The following FCHSD2 variants were observed in gnomAD, a reference collection of about 807,000 sequenced individuals.
FCHSD2 encodes F-BAR and double SH3 domains protein 2.
A neutral mutation model predicts 108.1 loss-of-function variants in FCHSD2; 38 were observed. The observed-to-expected ratio is 0.35, with a 90% CI of 0.27 to 0.46. The LOEUF is 0.46. Among genes scored for constraint, FCHSD2 ranks in the 20% least tolerant of loss-of-function variants. FCHSD2 has a pLI of 1.00. For missense variants in FCHSD2, 751 were observed against 897.8 expected (o/e 0.84, Z 2.09); for synonymous variants, 279 against 314.7 (o/e 0.89, Z 1.20).
intron 13 of FCHSD2, among the ~76,000 whole-genome samples, chr11:72,857,120 TGG>T (rs2135182724): frequency 6.6e-6 from 1 of 152,356 alleles, no homozygotes; most frequent in South Asian, 2.1e-4. Context: ...AGTTGATTTT[TGG>T]ATTCCCATGG....
In FCHSD2 at chr11:72,921,931, T is replaced by C. The variant is rs775846547; in HGVS notation, c.725A>G (p.Tyr242Cys). 1.3e-6 allele frequency: 2 copies of C among 1,593,842 alleles called. No homozygotes were observed. The highest frequency in any genetic ancestry group is 8.6e-7 in the Non-Finnish European group (1 of 1,168,630). Residue 242 changes from tyrosine (Y) to cysteine (C), a missense_variant, in exon 9 of 20, where the codon TAT becomes TGT. Tyr to Cys is a radical substitution (Grantham distance 194). Transcript: ENST00000409418. ...NIMKALDGNV[Y>C]DHLKDYLIAF... ...TATTAAATAATCCTTGAGATGATCA[T>C]ACACATTTCCATCAAGAGCCTGTAA...
chr11:72,868,690 AAAACAAAC>A lies in FCHSD2; in HGVS notation c.1147-672_1147-665del, dbSNP rs150087439. Among the ~76,000 whole-genome samples, 716 of 150,870 alleles carry A rather than the reference AAAACAAAC, an allele frequency of 4.7e-3. 5 individuals carry two copies. The highest frequency in any genetic ancestry group is 0.017 in the African/African-American group (680 of 41,036). On this transcript the variant is annotated intron_variant, in intron 12 of 19. Transcript: ENST00000409418. ...TGGGTGACAGAGCAAGACTCTGTTAAAAACAAACAAACAAACAAACAAACAAACAAACC... is the reference window on the plus strand; with the variant it reads ...TGGGTGACAGAGCAAGACTCTGTTAAAAACAAACAAACAAACAAACAAACC...
rs555791293 is a variant in FCHSD2 at position 73,031,029 on chromosome 11, T to TA, written c.166-15145dup. ...CACCTCCAGAAATACTATTCAGCCT[T>TA]AAAAAAAAGGGAGATCCTGCTATTT... On this transcript the variant is annotated intron_variant, in intron 3 of 19. Transcript: ENST00000409418. Among the ~76,000 whole-genome samples, 61 of 151,514 alleles carry TA rather than the reference T, an allele frequency of 4.0e-4. 1 individual carries two copies. In the South Asian group the frequency reaches 0.011, roughly 28 times the overall value.
chr11:72,940,842 C>G, intron 8 of FCHSD2: 1 of 910,204 alleles, frequency 1.1e-6, no homozygotes. Flanking sequence ...CTCTTAGAGT[C>G]CTGAATTCTT....
At chr11:72,972,279 T>C (rs1483745134) in intron 8 of FCHSD2, among the ~76,000 whole-genome samples, 3 of 152,220 alleles carry the variant, frequency 2.0e-5, no homozygotes, top group Non-Finnish European at 2.9e-5. Flanking sequence ...TTTTGATTTA[T>C]ATTTTTATGA....
At chr11:72,966,930 G>A (rs953962454) in intron 8 of FCHSD2, among the ~76,000 whole-genome samples, 10 of 152,282 alleles carry the variant, frequency 6.6e-5, no homozygotes, top group Admixed American at 5.9e-4. Flanking sequence ...CGGGCGCGGT[G>A]GCTCACGCCT....
At chr11:72,931,440 A>T (rs1856190363) in intron 8 of FCHSD2, among the ~76,000 whole-genome samples, 1 of 150,316 alleles carries the variant, frequency 6.7e-6, no homozygotes, top group Admixed American at 6.6e-5. Flanking sequence ...TAAAAATTTT[A>T]AAAATTAATT....
At chr11:72,996,988 T>C (rs1282408853) in intron 5 of FCHSD2, among the ~76,000 whole-genome samples, 1 of 151,678 alleles carries the variant, frequency 6.6e-6, no homozygotes, top group African/African-American at 2.4e-5. Context: ...GAGACAGAGG[T>C]TGGAGTTTAG....
chr11:72,923,137 A>G (rs1167221451), intron 8 of FCHSD2, among the ~76,000 whole-genome samples: 1 of 152,082 alleles, frequency 6.6e-6, no homozygotes, highest in African/African-American at 2.4e-5. Context: ...ACAGCTTAAT[A>G]ATATTCAGTT....
chr11:73,124,713 G>A (rs572836793), intron 2 of FCHSD2, among the ~76,000 whole-genome samples: 8 of 151,356 alleles, frequency 5.3e-5, no homozygotes, highest in South Asian at 2.1e-4. Context: ...CTGAGATTAC[G>A]CCACTGCACT....
intron 8 of FCHSD2, among the ~76,000 whole-genome samples, chr11:72,965,275 T>C (rs1856887006): frequency 1.3e-5 from 2 of 152,212 alleles, no homozygotes; most frequent in Admixed American, 6.5e-5. Flanking sequence ...AGAATTATTG[T>C]TGCCTCTATA....
intron 8 of FCHSD2, among the ~76,000 whole-genome samples, chr11:72,925,687 T>C (rs1380710258): frequency 6.6e-6 from 1 of 152,120 alleles, no homozygotes; most frequent in Non-Finnish European, 1.5e-5. Flanking sequence ...GTAGACACGA[T>C]TATCGAAATG....
At chr11:72,943,090 C>G (rs553217623) in intron 8 of FCHSD2, among the ~76,000 whole-genome samples, 3 of 152,278 alleles carry the variant, frequency 2.0e-5, no homozygotes, top group African/African-American at 7.2e-5. Flanking sequence ...CTCCCGGGTT[C>G]AAGTGATTCT....
chr11:72,916,968 CTTTTTTTTTTTTTTTTT>C (rs71062793), intron 9 of FCHSD2, among the ~76,000 whole-genome samples: 91,364 of 118,900 alleles, frequency 0.77, 34,708 homozygotes, highest in East Asian at 0.88. Flanking sequence ...GAACTTCATT[CTTTTTTTTTTTTTTTTT>C]TTTTTTTTTT....
chr11:73,027,697 G>C (rs374821525), intron 3 of FCHSD2, among the ~76,000 whole-genome samples: 1 of 152,208 alleles, frequency 6.6e-6, no homozygotes, highest in South Asian at 2.1e-4. Context: ...AGAGATGTTC[G>C]CTGCACTCCC....
At chr11:73,027,047 CGA>C (rs1270964713) in intron 3 of FCHSD2, among the ~76,000 whole-genome samples, 1 of 151,902 alleles carries the variant, frequency 6.6e-6, no homozygotes, top group African/African-American at 2.4e-5. Context: ...AAATTGGTAC[CGA>C]GAGACATGGC....
chr11:73,104,313 C>A (rs1414216319), intron 2 of FCHSD2, among the ~76,000 whole-genome samples: 1 of 152,258 alleles, frequency 6.6e-6, no homozygotes, highest in Non-Finnish European at 1.5e-5. Flanking sequence ...GTTGCCCAGG[C>A]TGGAGCGCAG....
chr11:73,140,035 T>A lies in FCHSD2; in HGVS notation c.115A>T (p.Met39Leu), dbSNP rs1189171072. ...HQAECDLLED[M>L]RTFSQKKAAI... is the part of the protein sequence containing the mutation. ...AACTATTTACTATAGCCTTACCTCATATCTTCAAGCAAATCACATTCTGCT... is the reference window on the plus strand; with the variant it reads ...AACTATTTACTATAGCCTTACCTCAAATCTTCAAGCAAATCACATTCTGCT... Residue 39 changes from methionine (M) to leucine (L), a missense_variant, in exon 2 of 20, where the codon ATG becomes TTG. Coordinates refer to ENST00000409418, the MANE Select transcript of FCHSD2 (RefSeq NM_014824.3). 1 of 1,526,216 alleles carries A rather than the reference T, an allele frequency of 6.6e-7. No homozygotes were observed. The highest frequency in any genetic ancestry group is 2.1e-5 in the Admixed American group (1 of 47,842). 94.5% of individuals were successfully genotyped at this position (1,526,216 alleles called of 1,614,324 possible).
intron 10 of FCHSD2, among the ~76,000 whole-genome samples, chr11:72,896,808 C>T (rs1160998141): frequency 2.1e-5 from 3 of 142,266 alleles, no homozygotes; most frequent in African/African-American, 7.7e-5. Context: ...ATATGCTTGC[C>T]TTGTGGATTT....
Sources: gnomAD v4.1 joint callset for allele counts (sites outside exome capture counted in the v4.1 genomes callset) on GRCh38, gnomAD v4.1.1 for gene constraint, MANE v1.5 for transcripts, NCBI Gene and HGNC (gene_info 2026-07-23, HGNC 2026-07-21) for gene names.